SUPT4H1: variants seen among roughly 807,000 people sequenced by gnomAD.
The protein encoded by SUPT4H1 is SPT4 homolog, DSIF elongation factor subunit.
A neutral mutation model predicts 19.4 loss-of-function variants in SUPT4H1; 12 were observed. That is an observed-to-expected ratio of 0.62 (90% CI 0.40 to 1.00). The LOEUF (loss-of-function observed/expected upper bound fraction) is 1.00. Ranked by LOEUF, SUPT4H1 falls within the 50% of genes least tolerant of loss-of-function variation. The pLI, the probability that SUPT4H1 is intolerant of heterozygous loss-of-function variation, is 0.00. For synonymous variants in SUPT4H1, 58 were observed against 56.3 expected (o/e 1.03, Z -0.14); for missense variants, 115 against 149.2 (o/e 0.77, Z 1.19).
intron 2 of SUPT4H1, among the ~76,000 whole-genome samples, chr17:58,350,510 CAAATAAATAAAT>C (rs71143243): frequency 2.1e-3 from 307 of 146,926 alleles, no homozygotes; most frequent in Non-Finnish European, 1.1e-3. Context: ...GACTCCATCT[CAAATAAATAAAT>C]AAATAAATAA....
intron 4 of SUPT4H1, among the ~76,000 whole-genome samples, chr17:58,346,633 G>A (rs950486098): frequency 1.3e-5 from 2 of 149,018 alleles, no homozygotes; most frequent in African/African-American, 4.9e-5. Flanking sequence ...TGAGGCGGGA[G>A]GATCCCTTGA....
chr17:58,347,562 C>T lies in SUPT4H1; in HGVS notation c.199G>A (p.Glu67Lys). ...FDGIIAMMSP[E>K]DSWVSKWQRV... ...TGCCACTTGGAGACCCAGCTGTCCT[C>T]TGGACTCATCATCGCAATGATTCTA... The change falls in exon 3 of 5, where the codon GAG (glutamate) becomes AAG (lysine). Residue 67 changes from glutamate to lysine, a missense_variant. Glu to Lys is a moderately conservative substitution (Grantham distance 56, BLOSUM62 1). Transcript: ENST00000225504. 1 of 1,614,186 alleles carries T rather than the reference C, an allele frequency of 6.2e-7. No individual in the cohort carries two copies. The highest frequency in any genetic ancestry group is 8.5e-7 in the Non-Finnish European group (1 of 1,180,032).
intron 2 of SUPT4H1, among the ~76,000 whole-genome samples, chr17:58,349,287 A>T (rs1158773922): frequency 6.6e-6 from 1 of 152,250 alleles, no homozygotes; most frequent in Non-Finnish European, 1.5e-5. Context: ...TTCAATAGAA[A>T]TCGTTTTCAA....
At position 58,347,586 on chromosome 17, in the gene SUPT4H1, T is replaced by C. The variant is rs1397864246; in HGVS notation, c.177-2A>G. Reference sequence around the variant, plus strand: ...TCTGGACTCATCATCGCAATGATTCTAGGGAGGGAAAAGAAATGGAGAGTC... The same window carrying C: ...TCTGGACTCATCATCGCAATGATTCCAGGGAGGGAAAAGAAATGGAGAGTC... On this transcript the variant is annotated splice_acceptor_variant, in intron 2 of 4. Coordinates refer to ENST00000225504, the MANE Select transcript of SUPT4H1 (RefSeq NM_003168.3). LOFTEE classifies it high-confidence loss of function. 2 of 1,614,134 alleles carry C rather than the reference T, an allele frequency of 1.2e-6. No homozygotes were observed.
At chr17:58,349,412 A>G (rs1007375284) in intron 2 of SUPT4H1, among the ~76,000 whole-genome samples, 3 of 152,254 alleles carry the variant, frequency 2.0e-5, no homozygotes, top group African/African-American at 7.2e-5. Context: ...AAGCGTTCTG[A>G]GCACATTTGA....
chr17:58,351,564 A>AG (rs1340625173), intron 1 of SUPT4H1, 56 bp from the exon 2 acceptor site: 1 of 1,246,030 alleles, frequency 8.0e-7, no homozygotes, highest in Non-Finnish European at 1.2e-6. Flanking sequence ...CAAGACCAAG[A>AG]GAAAAAGTAG....
chr17:58,347,539 C>T lies in SUPT4H1; in HGVS notation c.222G>A (p.Trp74Ter). The change falls in exon 3 of 5, where the codon TGG (tryptophan) becomes TGA (stop). Residue 74 changes from tryptophan (W) to a stop codon, truncating the protein, a stop_gained. Coordinates refer to ENST00000225504, the MANE Select transcript of SUPT4H1 (RefSeq NM_003168.3). LOFTEE classifies it high-confidence loss of function. ...CAGGCCAACACTTACTGACTCGCTG[C>T]CACTTGGAGACCCAGCTGTCCTCTG... Reference protein sequence around the residue: ...MSPEDSWVSKWQRVSNFKPGV... With the variant: ...MSPEDSWVSK The T allele has an allele frequency of 1.2e-6, 2 of 1,614,156 alleles. No homozygotes were observed. Among genetic ancestry groups the T allele is most frequent in the South Asian group, 2.2e-5 (2 of 91,082 alleles).
At chr17:58,348,964 A>C (rs1408805374) in intron 2 of SUPT4H1, among the ~76,000 whole-genome samples, 2 of 152,244 alleles carry the variant, frequency 1.3e-5, no homozygotes, top group South Asian at 4.1e-4. Context: ...ACAAATGGCT[A>C]TAAGCACCTA....
intron 2 of SUPT4H1, among the ~76,000 whole-genome samples, chr17:58,350,710 C>T (rs1972472347): frequency 6.6e-6 from 1 of 150,812 alleles, no homozygotes; most frequent in Non-Finnish European, 1.5e-5. Context: ...GTGGTGGGTG[C>T]CTGTAATCCC....
chr17:58,347,362 T>A, intron 3 of SUPT4H1, 121 bp from the exon 4 acceptor site: 1 of 1,358,684 alleles, frequency 7.4e-7, no homozygotes, highest in Non-Finnish European at 1.1e-6. Flanking sequence ...CTCTTTTGGC[T>A]ACAAGTGTTA....
At chr17:58,351,251 CAAAAAAAAAAAAA>C in intron 2 of SUPT4H1, 138 bp downstream of exon 2, 1 of 365,554 alleles carries the variant, frequency 2.7e-6, no homozygotes, top group South Asian at 3.8e-5. Flanking sequence ...AACCCTGATT[CAAAAAAAAAAAAA>C]AAAAAAAAAA....
chr17:58,348,337 T>C (rs1342845580), intron 2 of SUPT4H1, among the ~76,000 whole-genome samples: 2 of 152,196 alleles, frequency 1.3e-5, no homozygotes, highest in African/African-American at 4.8e-5. Context: ...CTGACATTTG[T>C]TGACTGCCTC....
intron 4 of SUPT4H1, 147 bp downstream of exon 4, chr17:58,347,041 G>C (rs954331254): frequency 4.0e-6 from 3 of 746,442 alleles, no homozygotes; most frequent in Non-Finnish European, 6.8e-6. Flanking sequence ...GTGACCTCCA[G>C]CAAGTGATTT....
Position 58,346,289 on chromosome 17 carries a change from C to A in SUPT4H1, c.311G>T (p.Arg104Leu). The change falls in exon 5 of 5, where the codon CGA (arginine) becomes CTA (leucine). Residue 104 changes from arginine (R) to leucine (L), a missense_variant. By Grantham distance (102) the Arg-to-Leu change is moderately radical. Coordinates refer to ENST00000225504, the MANE Select transcript of SUPT4H1 (RefSeq NM_003168.3). ...GTCTCTGGATTTGTAGGCCACTCCTCGACTTTTCAGCTCCCGCACGATTCC... is the reference window on the plus strand; with the variant it reads ...GTCTCTGGATTTGTAGGCCACTCCTAGACTTTTCAGCTCCCGCACGATTCC... ...PQGIVRELKSRGVAYKSRDTA... is the reference protein window; with the variant it reads ...PQGIVRELKSLGVAYKSRDTA... 6.2e-7 allele frequency: 1 copy of A among 1,614,004 alleles called. No individual in the cohort carries two copies. Among genetic ancestry groups the A allele is most frequent in the South Asian group, 1.1e-5 (1 of 91,060 alleles).
chr17:58,352,171 A>C lies in SUPT4H1; in HGVS notation c.-36T>G, dbSNP rs775002311. 4.4e-6 allele frequency: 7 copies of C among 1,606,596 alleles called. No homozygotes were observed. The highest frequency in any genetic ancestry group is 6.0e-6 in the Non-Finnish European group (7 of 1,173,416). On this transcript the variant is annotated 5_prime_UTR_variant, in exon 1 of 5. Transcript: ENST00000225504. ...GGGAAGAACAACAGGGAGATAGACG[A>C]CCACAGCCTGTGCACCCGCAGGAAG...
chr17:58,348,985 C>T (rs1432057642), intron 2 of SUPT4H1, among the ~76,000 whole-genome samples: 1 of 152,210 alleles, frequency 6.6e-6, no homozygotes, highest in Admixed American at 6.5e-5. Context: ...AGAGGCTCAA[C>T]ATCACCATTC....
intron 2 of SUPT4H1, 165 bp from the exon 3 acceptor site, chr17:58,347,749 A>G: frequency 4.5e-6 from 3 of 667,674 alleles, no homozygotes; most frequent in Non-Finnish European, 8.0e-6. Context: ...AGGACTGACA[A>G]AAGTTCTTCA....
At position 58,347,526 on chromosome 17, in the gene SUPT4H1, T is replaced by C; in HGVS notation, c.232+3A>G. On this transcript the variant is annotated splice_donor_region_variant and intron_variant, in intron 3 of 4. Transcript: ENST00000225504. ...AGCCAAAAGGAGACAGGCCAACACT[T>C]ACTGACTCGCTGCCACTTGGAGACC... 6.2e-7 allele frequency: 1 copy of C among 1,614,164 alleles called. No homozygotes were observed. The highest frequency in any genetic ancestry group is 2.2e-5 in the East Asian group (1 of 44,886).
intron 3 of SUPT4H1, 46 bp downstream of exon 3, chr17:58,347,483 G>T: frequency 6.2e-7 from 1 of 1,608,470 alleles, no homozygotes; most frequent in African/African-American, 1.3e-5. Flanking sequence ...CTGAGGAACA[G>T]TAACAACACT....
Sources: gnomAD v4.1 joint callset for allele counts (sites outside exome capture counted in the v4.1 genomes callset) on GRCh38, gnomAD v4.1.1 for gene constraint, MANE v1.5 for transcripts, NCBI Gene and HGNC (gene_info 2026-07-23, HGNC 2026-07-21) for gene names.